The following PDE1C variants were observed in gnomAD, a reference collection of about 807,000 sequenced individuals.
PDE1C encodes phosphodiesterase 1C, also known as dual specificity calcium/calmodulin-dependent 3',5'-cyclic nucleotide phosphodiesterase 1C.
Under a neutral mutation model 93.1 loss-of-function variants are expected in PDE1C, and 62 were observed. That is an observed-to-expected ratio of 0.67 (90% confidence interval 0.54 to 0.82). PDE1C has a LOEUF of 0.82. Among genes scored for constraint, PDE1C ranks in the 40% least tolerant of loss-of-function variants. The probability of loss-of-function intolerance (pLI) is 0.00; values close to 1 mark genes in which losing one functional copy is unlikely to be tolerated. For synonymous variants in PDE1C, 325 were observed against 310.1 expected (o/e 1.05, Z -0.50); for missense variants, 742 against 884.6 (o/e 0.84, Z 2.04).
In PDE1C at chr7:32,412,519, T is replaced by C. The variant is rs148426467; in HGVS notation, c.310+15303A>G. The stretch of plus-strand genomic sequence containing the variant: ...GTAACATAGTTGTTTATTATCATTA[T>C]CAAGTGTTATGTAGTATACATAATT... On this transcript the variant is annotated intron_variant, in intron 1 of 1. Coordinates refer to the PDE1C transcript ENST00000672256. 2.7e-3 allele frequency among the ~76,000 whole-genome samples: 412 copies of C among 152,106 alleles called. 3 individuals are homozygous for C. The highest frequency in any genetic ancestry group is 9.1e-3 in the African/African-American group (379 of 41,474).
intron 1 of PDE1C, chr7:32,298,600 G>A (rs1585095185): frequency 6.4e-7 from 1 of 1,554,800 alleles, no homozygotes. Flanking sequence ...ACCGCCACCG[G>A]AGAGGGCGTT....
At chr7:31,621,008 T>C in the PDE1C span, among the ~76,000 whole-genome samples, 6 of 151,494 alleles carry the variant, frequency 4.0e-5, no homozygotes, top group African/African-American at 7.3e-5. Context: ...AGGGTATCAG[T>C]GATGGAAGAT....
At chr7:32,271,548 A>G (rs1220458046) in intron 1 of PDE1C, among the ~76,000 whole-genome samples, 1 of 152,212 alleles carries the variant, frequency 6.6e-6, no homozygotes, top group Non-Finnish European at 1.5e-5. Flanking sequence ...GAAATCTACT[A>G]TATTGGAAGA....
chr7:31,718,234 G>A, the PDE1C span, among the ~76,000 whole-genome samples: 1 of 152,074 alleles, frequency 6.6e-6, no homozygotes, highest in African/African-American at 2.4e-5. Context: ...TCTTTTTCTG[G>A]AACCTCTGGC....
the PDE1C span, among the ~76,000 whole-genome samples, chr7:31,720,506 T>C: frequency 1.9e-4 from 29 of 152,332 alleles, no homozygotes; most frequent in Non-Finnish European, 3.5e-4. Context: ...ATATTCAAGT[T>C]TGCAGTCTCT....
intron 2 of PDE1C, among the ~76,000 whole-genome samples, chr7:32,025,656 C>T (rs1480970039): frequency 6.6e-6 from 1 of 152,232 alleles, no homozygotes; most frequent in South Asian, 2.1e-4. Flanking sequence ...TTGCCATGGT[C>T]AGGATTTTGC....
chr7:31,735,330 G>A, the PDE1C span, among the ~76,000 whole-genome samples: 9 of 151,436 alleles, frequency 5.9e-5, no homozygotes, highest in African/African-American at 9.7e-5. Flanking sequence ...CCCAGGAGGC[G>A]GAGGTTGCAG....
rs1342634755 is a variant in PDE1C, at chr7:32,398,152, C to CA, written c.310+29669dup. Among the ~76,000 whole-genome samples the CA allele has an allele frequency of 7.6e-3, 870 of 114,326 alleles. 10 individuals are homozygous for CA. The highest frequency in any genetic ancestry group is 0.026 in the African/African-American group (796 of 30,234). The allele number at this position is 114,326 out of a possible 152,430, so 75.0% of individuals were successfully genotyped here. A position where few individuals can be genotyped will look rare whatever the true frequency, so the allele number is the denominator to read the frequency against. The stretch of plus-strand genomic sequence containing the variant: ...TGGGCTGCAGAGCAAGACTCCGTCT[C>CA]AAAAAAAAAAATTAGCCAAGCATGA... On this transcript the variant is annotated intron_variant, in intron 1 of 1. Transcript: ENST00000672256.
At chr7:31,686,520 G>A in the PDE1C span, among the ~76,000 whole-genome samples, 2 of 152,158 alleles carry the variant, frequency 1.3e-5, no homozygotes, top group African/African-American at 4.8e-5. Context: ...TGTTTGAAAT[G>A]CTCTCTTTGC....
At chr7:32,251,342 T>C (rs898536522) in intron 1 of PDE1C, among the ~76,000 whole-genome samples, 1 of 152,184 alleles carries the variant, frequency 6.6e-6, no homozygotes, top group African/African-American at 2.4e-5. Context: ...ACTCTAAACA[T>C]AGCATAAGTG....
intron 1 of PDE1C, among the ~76,000 whole-genome samples, chr7:32,058,573 A>G (rs1419803480): frequency 2.0e-5 from 3 of 152,220 alleles, no homozygotes; most frequent in African/African-American, 7.2e-5. Flanking sequence ...TGGATCTCTT[A>G]CATCATTTGT....
At chr7:32,050,527 GATGA>G (rs1793202083) in intron 2 of PDE1C, among the ~76,000 whole-genome samples, 1 of 152,044 alleles carries the variant, frequency 6.6e-6, no homozygotes, top group African/African-American at 2.4e-5. Context: ...AACGTGAGGT[GATGA>G]ATATGTTAAT....
At chr7:32,333,610 T>C (rs1474764277) in intron 1 of PDE1C, among the ~76,000 whole-genome samples, 1 of 152,182 alleles carries the variant, frequency 6.6e-6, no homozygotes, top group Non-Finnish European at 1.5e-5. Context: ...AAACACACGC[T>C]TTAACCCACC....
intron 3 of PDE1C, among the ~76,000 whole-genome samples, chr7:32,124,536 C>T (rs747374453): frequency 7.9e-5 from 12 of 152,052 alleles, no homozygotes; most frequent in South Asian, 4.1e-4. Flanking sequence ...ACAGAGACGT[C>T]GGAAATACAC....
rs1283554473 is a variant in PDE1C, at chr7:31,769,614, AC to A, written c.1960+6049del. Among the ~76,000 whole-genome samples, 6 of 152,178 alleles carry A rather than the reference AC, an allele frequency of 3.9e-5. No homozygotes were observed. In the South Asian group the frequency reaches 1.0e-3, roughly 26 times the overall value. On this transcript the variant is annotated intron_variant, in intron 17 of 17. Coordinates refer to ENST00000396191, the MANE Select transcript of PDE1C (RefSeq NM_001191057.4). ...TAAATTTTTTATTGAGATATAATTC[AC>A]AAACCATAAATTTTGCCCTTTTGAG...
chr7:31,942,752 A>G (rs895691593), intron 2 of PDE1C, among the ~76,000 whole-genome samples: 2 of 152,184 alleles, frequency 1.3e-5, no homozygotes, highest in African/African-American at 2.4e-5. Context: ...TATCCTTGGG[A>G]CACGTTCCAA....
the PDE1C span, among the ~76,000 whole-genome samples, chr7:31,710,470 T>C: frequency 6.6e-6 from 1 of 152,296 alleles, no homozygotes; most frequent in South Asian, 2.1e-4. Context: ...TGTGGAAGGA[T>C]TGGGGAAGAA....
chr7:32,270,683 C>T (rs1363880732), intron 1 of PDE1C, among the ~76,000 whole-genome samples: 1 of 152,176 alleles, frequency 6.6e-6, no homozygotes, highest in Non-Finnish European at 1.5e-5. Context: ...TGCTGTGACC[C>T]TAGAGATCTG....
the PDE1C span, chr7:31,651,341 G>A: frequency 2.0e-6 from 3 of 1,530,492 alleles, no homozygotes; most frequent in Non-Finnish European, 2.6e-6. Context: ...AATCAGGGCA[G>A]AACAGAGGAG....
Sources: allele counts gnomAD v4.1 joint callset (sites outside exome capture counted in the v4.1 genomes callset), GRCh38; gene constraint gnomAD v4.1.1; transcripts MANE v1.5; gene names NCBI Gene and HGNC (gene_info 2026-07-23, HGNC 2026-07-21).